Variants in MYO5B observed in about 807,000 individuals in gnomAD.
MYO5B encodes the protein unconventional myosin-Vb.
In MYO5B, 143 loss-of-function variants were observed where a neutral mutation model predicts 229.3. The ratio of observed to expected loss-of-function variants is 0.62; its 90% CI spans 0.54 to 0.72. MYO5B has a LOEUF of 0.72. MYO5B is among the 30% of genes least tolerant of loss of function. The pLI is 0.00. For missense variants in MYO5B, 2,321 were observed against 2,331.0 expected (o/e 1.00, Z 0.09); for synonymous variants, 918 against 885.2 (o/e 1.04, Z -0.66).
At chr18:49,959,443 A>G (rs1424405896) in intron 12 of MYO5B, among the ~76,000 whole-genome samples, 2 of 152,138 alleles carry the variant, frequency 1.3e-5, no homozygotes, top group African/African-American at 4.8e-5. Flanking sequence ...AGAAACCACA[A>G]TCCCCTGATC....
At chr18:50,173,104 AAC>A (rs2032942327) in intron 1 of MYO5B, among the ~76,000 whole-genome samples, 1 of 152,120 alleles carries the variant, frequency 6.6e-6, no homozygotes, top group Admixed American at 6.5e-5. Context: ...CGCTACTAAA[AAC>A]ACAAAAAAAT....
At chr18:50,191,431 C>T (rs1599092913) in intron 1 of MYO5B, among the ~76,000 whole-genome samples, 2 of 152,140 alleles carry the variant, frequency 1.3e-5, no homozygotes, top group South Asian at 2.1e-4. Flanking sequence ...TATCCAAGAC[C>T]TTTCTCTGGT....
At chr18:50,054,958 C>T (rs950889790) in intron 2 of MYO5B, among the ~76,000 whole-genome samples, 1 of 152,130 alleles carries the variant, frequency 6.6e-6, no homozygotes, top group African/African-American at 2.4e-5. Context: ...CAGCTCCTCT[C>T]CCTCACTTCC....
intron 1 of MYO5B, among the ~76,000 whole-genome samples, chr18:50,079,240 A>C (rs756761886): frequency 3.3e-5 from 5 of 152,264 alleles, no homozygotes; most frequent in African/African-American, 4.8e-5. Flanking sequence ...AAAAAGTTCA[A>C]GAAAGTTAGA....
chr18:50,086,156 C>A (rs1281209117), intron 1 of MYO5B, among the ~76,000 whole-genome samples: 1 of 152,068 alleles, frequency 6.6e-6, no homozygotes, highest in Non-Finnish European at 1.5e-5. Context: ...ATCCTCAACA[C>A]CCTGTTTAAC....
At chr18:50,023,529 T>C (rs1262822810) in intron 4 of MYO5B, among the ~76,000 whole-genome samples, 2 of 152,184 alleles carry the variant, frequency 1.3e-5, no homozygotes, top group East Asian at 1.9e-4. Flanking sequence ...CTCTGGCCAG[T>C]TGAGTTAGAA....
chr18:49,999,095 C>A (rs2026019391), intron 5 of MYO5B, among the ~76,000 whole-genome samples: 1 of 152,226 alleles, frequency 6.6e-6, no homozygotes, highest in South Asian at 2.1e-4. Flanking sequence ...AAACTTCCAG[C>A]ATGACTAATA....
intron 2 of MYO5B, among the ~76,000 whole-genome samples, chr18:50,048,444 G>A (rs1006724168): frequency 1.3e-5 from 2 of 152,106 alleles, no homozygotes; most frequent in African/African-American, 4.8e-5. Flanking sequence ...TGGTACTGAG[G>A]CTCTGCTCTC....
intron 4 of MYO5B, among the ~76,000 whole-genome samples, chr18:50,005,183 G>T (rs759084343): frequency 7.2e-5 from 11 of 152,152 alleles, no homozygotes; most frequent in Non-Finnish European, 1.3e-4. Context: ...ATCAAATCAA[G>T]TCTAAGCTTT....
chr18:49,916,267 A>C (rs952414363), intron 17 of MYO5B, among the ~76,000 whole-genome samples: 1 of 152,346 alleles, frequency 6.6e-6, no homozygotes, highest in East Asian at 1.9e-4. Context: ...CAAGGAAATT[A>C]CTAGAGTGAG....
At chr18:50,178,818 T>C (rs2033032314) in intron 1 of MYO5B, among the ~76,000 whole-genome samples, 1 of 152,322 alleles carries the variant, frequency 6.6e-6, no homozygotes, top group South Asian at 2.1e-4. Context: ...TCTCCACGGC[T>C]AGTGTTGTGT....
At chr18:49,837,884 C>T (rs970576527) in intron 36 of MYO5B, 82 bp from the exon 37 acceptor site, 57 of 1,539,790 alleles carry the variant, frequency 3.7e-5, no homozygotes, top group Admixed American at 8.4e-5. Flanking sequence ...TTTAGTGCTC[C>T]GGGCTTTAGC....
intron 14 of MYO5B, among the ~76,000 whole-genome samples, chr18:49,951,990 T>G (rs945663286): frequency 6.6e-6 from 1 of 152,186 alleles, no homozygotes; most frequent in Non-Finnish European, 1.5e-5. Context: ...CAAAGTGATA[T>G]TCACTTTTAC....
chr18:49,930,166 T>C (rs1023965954), intron 16 of MYO5B, among the ~76,000 whole-genome samples: 2 of 152,192 alleles, frequency 1.3e-5, no homozygotes, highest in Non-Finnish European at 2.9e-5. Flanking sequence ...CAGCAGTACC[T>C]ATTTTATCAG....
At chr18:50,043,260 A>G (rs1230946518) in intron 2 of MYO5B, among the ~76,000 whole-genome samples, 1 of 117,288 alleles carries the variant, frequency 8.5e-6, no homozygotes, top group Non-Finnish European at 1.7e-5. Flanking sequence ...ATAAATATTC[A>G]TATATTTATA....
intron 3 of MYO5B, among the ~76,000 whole-genome samples, 196 bp from the exon 4 acceptor site, chr18:50,037,190 T>G (rs1427843495): frequency 6.6e-6 from 1 of 151,114 alleles, no homozygotes. Flanking sequence ...CAGCCTGGAA[T>G]AAGCATACAC....
At chr18:49,988,843 T>G (rs992429548) in intron 7 of MYO5B, among the ~76,000 whole-genome samples, 3 of 152,194 alleles carry the variant, frequency 2.0e-5, no homozygotes, top group African/African-American at 7.2e-5. Flanking sequence ...GCCCCTGTTC[T>G]GCTTAGCAGG....
At position 49,968,282 on chromosome 18, in the gene MYO5B, G is replaced by A. The variant is rs371688970; in HGVS notation, c.1323-5252C>T. The stretch of plus-strand genomic sequence containing the variant: ...TAACAAGATGCAGATGAGCTGGGGA[G>A]GAAAAGAGTTTTTACTTTCTGCAAC... On this transcript the variant is annotated intron_variant, in intron 10 of 39. Transcript: ENST00000285039. 6.1e-3 allele frequency among the ~76,000 whole-genome samples: 922 copies of A among 152,306 alleles called. 6 individuals are homozygous for A. The highest frequency in any genetic ancestry group is 0.019 in the African/African-American group (789 of 41,558).
Position 49,825,394 on chromosome 18 carries a change from C to T in MYO5B, c.*1077G>A, listed in dbSNP as rs2023829662. 1 of 151,192 alleles carries T rather than the reference C, an allele frequency of 6.6e-6. No individual in the cohort carries two copies. The highest frequency in any genetic ancestry group is 2.4e-5 in the African/African-American group (1 of 41,186). 9.4% of individuals were successfully genotyped at this position (151,192 alleles called of 1,614,324 possible). A position where few individuals can be genotyped will look rare whatever the true frequency, so the allele number is the denominator to read the frequency against. On this transcript the variant is annotated 3_prime_UTR_variant, in exon 40 of 40. Transcript: ENST00000285039. The stretch of plus-strand genomic sequence containing the variant: ...AAATAACCTGAAAAGGGAAAGTTGA[C>T]CTAAGCCATTTTATTCTCTTAAAAA...
Sources: allele counts gnomAD v4.1 joint callset (sites outside exome capture counted in the v4.1 genomes callset), GRCh38; gene constraint gnomAD v4.1.1; transcripts MANE v1.5; gene names NCBI Gene and HGNC (gene_info 2026-07-23, HGNC 2026-07-21).